ANO10: variants seen among roughly 807,000 people sequenced by gnomAD.
ANO10 encodes anoctamin-10.
Under a neutral mutation model 74.7 loss-of-function variants are expected in ANO10, and 77 were observed. The ratio of observed to expected loss-of-function variants is 1.03; its 90% CI spans 0.86 to 1.25. The LOEUF is 1.25. Among genes scored for constraint, ANO10 ranks in the 50% most tolerant of loss-of-function variants. The pLI is 0.00. For synonymous variants in ANO10, 279 were observed against 284.9 expected (o/e 0.98, Z 0.21); for missense variants, 721 against 778.1 (o/e 0.93, Z 0.87).
intron 4 of ANO10, among the ~76,000 whole-genome samples, chr3:43,588,930 T>C (rs1189859946): frequency 6.6e-6 from 1 of 152,060 alleles, no homozygotes; most frequent in Non-Finnish European, 1.5e-5. Context: ...GTTACAGAGA[T>C]CTAGAGCTAT....
chr3:43,618,812 T>C (rs905805395), intron 1 of ANO10, among the ~76,000 whole-genome samples: 2 of 152,164 alleles, frequency 1.3e-5, no homozygotes, highest in African/African-American at 4.8e-5. Flanking sequence ...GTCTTTTTTT[T>C]TTTCTTTGAG....
intron 12 of ANO10, among the ~76,000 whole-genome samples, chr3:43,382,443 C>A (rs560262507): frequency 6.7e-6 from 1 of 150,288 alleles, no homozygotes; most frequent in East Asian, 2.0e-4. Context: ...GGCGTGAACC[C>A]GGGAGGCGGA....
chr3:43,395,747 T>C (rs942938276), intron 12 of ANO10, among the ~76,000 whole-genome samples: 5 of 150,320 alleles, frequency 3.3e-5, no homozygotes, highest in Non-Finnish European at 7.4e-5. Flanking sequence ...ATATGAATTT[T>C]AGAAGCAAGT....
At chr3:43,668,459 G>C (rs1001549605) in intron 1 of ANO10, among the ~76,000 whole-genome samples, 5 of 151,944 alleles carry the variant, frequency 3.3e-5, no homozygotes, top group Admixed American at 2.6e-4. Flanking sequence ...TTTTGTTTTT[G>C]TTGCATTTGC....
At chr3:43,399,266 C>A (rs924657210) in intron 12 of ANO10, among the ~76,000 whole-genome samples, 2 of 152,198 alleles carry the variant, frequency 1.3e-5, no homozygotes, top group Non-Finnish European at 2.9e-5. Flanking sequence ...TCATTTCTAA[C>A]GAATCTATTT....
chr3:43,574,642 G>T (rs559351441), intron 7 of ANO10, among the ~76,000 whole-genome samples, 167 bp downstream of exon 7: 3 of 151,996 alleles, frequency 2.0e-5, no homozygotes, highest in African/African-American at 7.2e-5. Flanking sequence ...TTTGTAATAA[G>T]GCTACTGAAC....
chr3:43,655,309 G>A (rs553802774), intron 1 of ANO10, among the ~76,000 whole-genome samples: 48 of 152,182 alleles, frequency 3.2e-4, no homozygotes, highest in African/African-American at 1.1e-3. Context: ...TCTGATGTTC[G>A]GATGTGTTTG....
intron 1 of ANO10, among the ~76,000 whole-genome samples, chr3:43,651,343 G>A (rs538993291): frequency 5.3e-5 from 8 of 152,182 alleles, no homozygotes; most frequent in South Asian, 4.1e-4. Flanking sequence ...ATAATCTTAC[G>A]CCATAAAGAC....
chr3:43,552,697 GATAT>G (rs57438732), intron 10 of ANO10, among the ~76,000 whole-genome samples: 8,690 of 124,216 alleles, frequency 0.07, 353 homozygotes, highest in East Asian at 0.12. Flanking sequence ...ATTATCTCTG[GATAT>G]ATATATATAT....
In ANO10 at chr3:43,622,006, G is replaced by C. The variant is rs1024735019; in HGVS notation, c.-109C>G. ...GTGCTCGGTGCGGGGGGCGGGCCAG[G>C]CCAGTGGGGCGGGCGCCGCCGAGCG... On this transcript the variant is annotated 5_prime_UTR_variant, in exon 1 of 13. Coordinates refer to ENST00000292246, the MANE Select transcript of ANO10 (RefSeq NM_018075.5). 2 of 152,634 alleles carry C rather than the reference G, an allele frequency of 1.3e-5. No individual in the cohort carries two copies. The highest frequency in any genetic ancestry group is 6.5e-5 in the Admixed American group (1 of 15,274). 9.5% of individuals were successfully genotyped at this position (152,634 alleles called of 1,614,324 possible). A position where few individuals can be genotyped will look rare whatever the true frequency, so the allele number is the denominator to read the frequency against.
chr3:43,493,240 C>A (rs1457240678), intron 11 of ANO10, among the ~76,000 whole-genome samples: 1 of 152,036 alleles, frequency 6.6e-6, no homozygotes, highest in African/African-American at 2.4e-5. Context: ...AACACATGGA[C>A]ACAGGGAGGG....
At chr3:43,557,977 T>C (rs2079840681) in intron 9 of ANO10, among the ~76,000 whole-genome samples, 1 of 151,242 alleles carries the variant, frequency 6.6e-6, no homozygotes, top group African/African-American at 2.4e-5. Context: ...TGATGGTACA[T>C]GCCTGTAGTC....
chr3:43,563,762 A>C (rs2080169641), intron 8 of ANO10, among the ~76,000 whole-genome samples: 1 of 152,172 alleles, frequency 6.6e-6, no homozygotes, highest in South Asian at 2.1e-4. Flanking sequence ...AGAAAGACAA[A>C]TATCACAGGC....
At chr3:43,654,981 T>C (rs975742853) in intron 1 of ANO10, among the ~76,000 whole-genome samples, 2 of 152,238 alleles carry the variant, frequency 1.3e-5, no homozygotes, top group African/African-American at 4.8e-5. Context: ...TGACTTTATC[T>C]TTCTTAGAAG....
chr3:43,528,506 A>C (rs1466044501), intron 11 of ANO10, among the ~76,000 whole-genome samples: 1 of 152,164 alleles, frequency 6.6e-6, no homozygotes, highest in African/African-American at 2.4e-5. Context: ...AAATTCAGTA[A>C]AGAAAAGGAA....
At chr3:43,627,839 ATAT>A (rs1428431527) in intron 1 of ANO10, among the ~76,000 whole-genome samples, 1 of 151,970 alleles carries the variant, frequency 6.6e-6, no homozygotes, top group Admixed American at 6.6e-5. Flanking sequence ...TGGTATATTA[ATAT>A]TATACTCAGA....
At chr3:43,483,623 T>A (rs1026275141) in intron 11 of ANO10, among the ~76,000 whole-genome samples, 2 of 152,236 alleles carry the variant, frequency 1.3e-5, no homozygotes, top group African/African-American at 2.4e-5. Context: ...AAGAGGTTTA[T>A]CCTGAGCCAA....
chr3:43,387,523 T>C (rs1163242636), intron 12 of ANO10, among the ~76,000 whole-genome samples: 1 of 152,210 alleles, frequency 6.6e-6, no homozygotes, highest in Non-Finnish European at 1.5e-5. Context: ...GAGCAGTCTA[T>C]AGCTGGGGCT....
At chr3:43,519,130 C>T (rs145522548) in intron 11 of ANO10, among the ~76,000 whole-genome samples, 5 of 152,248 alleles carry the variant, frequency 3.3e-5, no homozygotes, top group African/African-American at 1.2e-4. Flanking sequence ...CTCAGACCAG[C>T]CAACACTTAG....
Sources: gnomAD v4.1 joint callset for allele counts (sites outside exome capture counted in the v4.1 genomes callset) on GRCh38, gnomAD v4.1.1 for gene constraint, MANE v1.5 for transcripts, NCBI Gene and HGNC (gene_info 2026-07-23, HGNC 2026-07-21) for gene names.